Variants in MED13L observed in about 807,000 individuals in gnomAD.
MED13L encodes mediator of RNA polymerase II transcription subunit 13-like.
Under a neutral mutation model 220.9 loss-of-function variants are expected in MED13L, and 7 were observed. The ratio of observed to expected loss-of-function variants is 0.03; its 90% CI spans 0.02 to 0.06. MED13L has a LOEUF of 0.06. MED13L is among the 10% of genes least tolerant of loss of function. MED13L has a pLI of 1.00. For missense variants in MED13L, 1,965 were observed against 2,760.5 expected, an observed-to-expected ratio of 0.71 and a Z score of 6.46; for synonymous variants, 1,011 against 1,015.2, an observed-to-expected ratio of 1.00 and a Z score of 0.08.
intron 2 of MED13L, among the ~76,000 whole-genome samples, chr12:116,126,313 G>A (rs939112021): frequency 6.6e-6 from 1 of 152,204 alleles, no homozygotes; most frequent in African/African-American, 2.4e-5. Context: ...TTCGAAATCT[G>A]GCTAGAATGG....
chr12:116,249,091 C>G (rs755937915), intron 1 of MED13L, among the ~76,000 whole-genome samples: 9 of 152,148 alleles, frequency 5.9e-5, no homozygotes, highest in Non-Finnish European at 1.0e-4. Flanking sequence ...GCTGCACATT[C>G]AAACAGTAAA....
intron 1 of MED13L, among the ~76,000 whole-genome samples, chr12:116,260,799 C>G (rs1324982755): frequency 1.3e-5 from 2 of 152,146 alleles, no homozygotes; most frequent in Non-Finnish European, 2.9e-5. Flanking sequence ...AAAAATATCA[C>G]TGATTTGAAA....
At chr12:115,990,965 G>T in intron 17 of MED13L, 55 bp downstream of exon 17, 2 of 1,573,878 alleles carry the variant, frequency 1.3e-6, no homozygotes, top group South Asian at 2.2e-5. Context: ...AAGCTTTTAA[G>T]TTATGATCAT....
Position 115,975,155 on chromosome 12 carries a change from T to C in MED13L, c.5731+16A>G. ...TTCCTCTGTCTTCTGCAAATACTTC[T>C]TCAAAAATTTCTCACCTTTAAGCTC... is the stretch of plus-strand genomic sequence containing the variant. On this transcript the variant is annotated intron_variant, in intron 25 of 30. Coordinates refer to ENST00000281928, the MANE Select transcript of MED13L (RefSeq NM_015335.5). 6.2e-7 allele frequency: 1 copy of C among 1,613,908 alleles called. No individual in the cohort carries two copies. Among genetic ancestry groups the C allele is most frequent in the South Asian group, 1.1e-5 (1 of 91,080 alleles).
rs566652342 is a variant in MED13L at position 116,274,630 on chromosome 12, A to C, written c.72+2430T>G. ...AGCATTTTCAAAAAAAAAAAATCTCAATTTGGAATCAGAAAAATGTACAAG... is the reference window on the plus strand; with the variant it reads ...AGCATTTTCAAAAAAAAAAAATCTCCATTTGGAATCAGAAAAATGTACAAG... On this transcript the variant is annotated intron_variant, in intron 1 of 30. Coordinates refer to ENST00000281928, the MANE Select transcript of MED13L (RefSeq NM_015335.5). 3.9e-5 allele frequency among the ~76,000 whole-genome samples: 6 copies of C among 151,982 alleles called. No homozygotes were observed. The South Asian group carries it at 1.0e-3, about 26-fold the overall frequency.
At position 116,008,627 on chromosome 12, in the gene MED13L, C is replaced by G. The variant is rs1368539534; in HGVS notation, c.1786G>C (p.Asp596His). Reference sequence around the variant, plus strand: ...TGGCCTACGAGGACAGTTCTGTCATCCAGAGTAGACAACTGCTGGAGTTCT... The same window carrying G: ...TGGCCTACGAGGACAGTTCTGTCATGCAGAGTAGACAACTGCTGGAGTTCT... ...GLELQQLSTL[D>H]DRTVLVGQRL... The change falls in exon 10 of 31, where the codon GAT becomes CAT. Residue 596 changes from aspartate to histidine, a missense_variant. Physicochemically the swap from Asp to His is moderately conservative, Grantham distance 81. Coordinates refer to ENST00000281928, the MANE Select transcript of MED13L (RefSeq NM_015335.5). The G allele has an allele frequency of 6.2e-7, 1 of 1,614,084 alleles. No homozygotes were observed. Among genetic ancestry groups the G allele is most frequent in the Admixed American group, 1.7e-5 (1 of 60,012 alleles).
intron 28 of MED13L, among the ~76,000 whole-genome samples, chr12:115,967,725 A>AC (rs1260058626): frequency 6.6e-6 from 1 of 152,202 alleles, no homozygotes; most frequent in Non-Finnish European, 1.5e-5. Context: ...TCTTTAACAG[A>AC]CTGTGGGGCA....
intron 16 of MED13L, among the ~76,000 whole-genome samples, chr12:115,996,126 T>C (rs1878386427): frequency 6.6e-6 from 1 of 152,096 alleles, no homozygotes; most frequent in African/African-American, 2.4e-5. Context: ...AGTCTCACTC[T>C]GTCGCCCAGG....
chr12:116,202,186 T>C lies in MED13L; in HGVS notation c.310+35282A>G, dbSNP rs149743937. On this transcript the variant is annotated intron_variant, in intron 2 of 30. Transcript: ENST00000281928. Reference sequence around the variant, plus strand: ...TGTGCAAAATTCCTGAAATAACACATACATAATTCACTGCCAAACTCAGAT... The same window carrying C: ...TGTGCAAAATTCCTGAAATAACACACACATAATTCACTGCCAAACTCAGAT... Among the ~76,000 whole-genome samples the C allele has an allele frequency of 2.0e-3, 299 of 152,300 alleles. 1 individual carries two copies. Among genetic ancestry groups the C allele is most frequent in the African/African-American group, 6.9e-3 (285 of 41,564 alleles).
At chr12:116,131,420 T>C (rs1412197413) in intron 2 of MED13L, among the ~76,000 whole-genome samples, 1 of 152,144 alleles carries the variant, frequency 6.6e-6, no homozygotes, top group Admixed American at 6.6e-5. Context: ...AGCATAAGTA[T>C]GCTTACTTCT....
At chr12:116,010,733 T>C (rs137890857) in intron 9 of MED13L, among the ~76,000 whole-genome samples, 139 of 152,186 alleles carry the variant, frequency 9.1e-4, no homozygotes, top group African/African-American at 3.3e-3. Flanking sequence ...AGGATTACAA[T>C]AGGCATTTCA....
In MED13L at chr12:115,984,283, T is replaced by C. The variant is rs1877534759; in HGVS notation, c.4428A>G (p.Thr1476=). 6.2e-7 allele frequency: 1 copy of C among 1,614,002 alleles called. No homozygotes were observed. Among genetic ancestry groups the C allele is most frequent in the African/African-American group, 1.3e-5 (1 of 74,922 alleles). The part of the protein sequence containing the change: ...RVGKTVAQKL[T]DELVSEWFNQ... ...TAAACCACTCACTCACAAGCTCATC[T>C]GTCAGCTTCTGTGCCACAGTTTTTC... Residue 1476 remains threonine (T), a synonymous_variant, in exon 20 of 31, where the codon ACA becomes ACG. Transcript: ENST00000281928.
At chr12:116,181,424 C>G (rs993413112) in intron 2 of MED13L, 1 of 152,216 alleles carries the variant, frequency 6.6e-6, no homozygotes, top group Non-Finnish European at 1.5e-5. Flanking sequence ...CAACTGGAAT[C>G]TGGTACTGGC....
chr12:116,213,647 A>T (rs1882838114), intron 2 of MED13L, among the ~76,000 whole-genome samples: 1 of 152,208 alleles, frequency 6.6e-6, no homozygotes, highest in Non-Finnish European at 1.5e-5. Context: ...TCCTGACCTC[A>T]GGTGATCCAC....
chr12:115,991,430 T>A lies in MED13L; in HGVS notation c.3524A>T (p.Asn1175Ile). ...CTCATCTTCAAGGAAGAGTCCTGAA[T>A]TGTAGCCAAGTTTGCGGTTCATAAT... ...SAIMNRKLGY[N>I]SGLFLEDELD... is the part of the protein sequence containing the mutation. The change falls in exon 17 of 31, where the codon AAT (asparagine) becomes ATT (isoleucine). Residue 1175 changes from asparagine (N) to isoleucine (I), a missense_variant. By Grantham distance (149) the Asn-to-Ile change is moderately radical (BLOSUM62 -3). Around this residue, in one of 10 missense-constraint regions of MED13L, gnomAD observed 165 missense variants for 190.8 expected, o/e 0.86. Coordinates refer to ENST00000281928, the MANE Select transcript of MED13L (RefSeq NM_015335.5). The surrounding 1 kb of genome is among the most constrained non-coding windows in gnomAD (Gnocchi z 7.7). 1.2e-6 allele frequency: 2 copies of A among 1,614,152 alleles called. No homozygotes were observed. Among genetic ancestry groups the A allele is most frequent in the Non-Finnish European group, 1.7e-6 (2 of 1,180,028 alleles).
chr12:116,075,724 C>G (rs1310629428), intron 4 of MED13L, among the ~76,000 whole-genome samples: 1 of 152,172 alleles, frequency 6.6e-6, no homozygotes, highest in Non-Finnish European at 1.5e-5. Context: ...GACTTCCTTT[C>G]TGCTGGCTCC....
At chr12:115,961,427 C>A (rs755240232) in intron 30 of MED13L, 29 bp from the exon 31 acceptor site, 5 of 1,612,408 alleles carry the variant, frequency 3.1e-6, no homozygotes, top group Admixed American at 1.7e-5. Flanking sequence ...AGAGCAGGGG[C>A]GTGAGCCTCA....
At chr12:116,238,869 G>A (rs538058892) in intron 1 of MED13L, among the ~76,000 whole-genome samples, 4 of 152,150 alleles carry the variant, frequency 2.6e-5, no homozygotes. Flanking sequence ...GGCCTAGGCG[G>A]GCAGATCATG....
intron 2 of MED13L, among the ~76,000 whole-genome samples, chr12:116,235,609 T>C (rs540873291): frequency 1.3e-5 from 2 of 152,140 alleles, no homozygotes; most frequent in Non-Finnish European, 2.9e-5. Flanking sequence ...TGCTTAACTC[T>C]TTACCAAAAA....
Sources: gnomAD v4.1 joint callset for allele counts (sites outside exome capture counted in the v4.1 genomes callset) on GRCh38, gnomAD v4.1.1 for gene constraint, gnomAD v4.1.1 regional missense constraint, Gnocchi (gnomAD v3.1) non-coding constraint, MANE v1.5 for transcripts, NCBI Gene and HGNC (gene_info 2026-07-23, HGNC 2026-07-21) for gene names.